The following CTTNBP2 variants were observed in gnomAD, a reference collection of about 807,000 sequenced individuals.
CTTNBP2 encodes the protein cortactin-binding protein 2.
CTTNBP2 carries 108 observed loss-of-function variants against 156.9 expected under a neutral mutation model. The observed-to-expected ratio is 0.69, with a 90% confidence interval of 0.59 to 0.81. The LOEUF is 0.81. Ranked by LOEUF, CTTNBP2 falls within the 30% of genes least tolerant of loss-of-function variation. The pLI is 0.00. For missense variants in CTTNBP2, 1,924 were observed against 2,035.4 expected, an observed-to-expected ratio of 0.95 and a Z score of 1.05; for synonymous variants, 767 against 751.8, an observed-to-expected ratio of 1.02 and a Z score of -0.33.
At chr7:117,871,358 A>AAAAGTAGTAAAT (rs1804585743) in intron 1 of CTTNBP2, among the ~76,000 whole-genome samples, 1 of 152,264 alleles carries the variant, frequency 6.6e-6, no homozygotes, top group Non-Finnish European at 1.5e-5. Flanking sequence ...AAAAGCCATC[A>AAAAGTAGTAAAT]TCAAAATTTT....
chr7:117,835,313 T>C lies in CTTNBP2; in HGVS notation c.190-24324A>G, dbSNP rs369540396. Among the ~76,000 whole-genome samples, 26 of 152,356 alleles carry C rather than the reference T, an allele frequency of 1.7e-4. No individual in the cohort carries two copies. The East Asian group carries it at 3.3e-3, about 19-fold the overall frequency. ...AGTTTAGACCAAAGCTGACATCTTA[T>C]ATGTTTTAAGTTCAGCCTAAAGGTT... On this transcript the variant is annotated intron_variant, in intron 2 of 22. Coordinates refer to ENST00000160373, the MANE Select transcript of CTTNBP2 (RefSeq NM_033427.3).
At chr7:117,831,789 T>G (rs1801626870) in intron 2 of CTTNBP2, among the ~76,000 whole-genome samples, 1 of 152,004 alleles carries the variant, frequency 6.6e-6, no homozygotes, top group Admixed American at 6.5e-5. Context: ...CAATCTTGCT[T>G]TCTTCTTCAT....
chr7:117,831,766 T>TC (rs778477397), intron 2 of CTTNBP2, among the ~76,000 whole-genome samples: 11 of 151,974 alleles, frequency 7.2e-5, no homozygotes, highest in Non-Finnish European at 1.5e-4. Flanking sequence ...ACCCTTATCC[T>TC]CCTCGTGACA....
chr7:117,869,734 G>A (rs1804447956), intron 1 of CTTNBP2, among the ~76,000 whole-genome samples: 1 of 151,598 alleles, frequency 6.6e-6, no homozygotes, highest in African/African-American at 2.4e-5. Context: ...TGACAGCAAC[G>A]ACAATAATAA....
intron 21 of CTTNBP2, among the ~76,000 whole-genome samples, chr7:117,719,262 C>T (rs924405465): frequency 6.6e-6 from 1 of 152,180 alleles, no homozygotes. Context: ...ATGCAATTAA[C>T]ATACAATTTT....
intron 9 of CTTNBP2, among the ~76,000 whole-genome samples, chr7:117,760,916 C>A (rs6967118): frequency 0.21 from 31,943 of 152,050 alleles, 3,747 homozygotes; most frequent in Non-Finnish European, 0.22. Flanking sequence ...AAGCACGCTG[C>A]ACGAACTGTC....
chr7:117,745,156 C>A (rs535290874), intron 14 of CTTNBP2, among the ~76,000 whole-genome samples: 1 of 152,118 alleles, frequency 6.6e-6, no homozygotes, highest in African/African-American at 2.4e-5. Context: ...AATCTAAGAT[C>A]GAAAACTCAT....
At chr7:117,730,124 A>G (rs916048324) in intron 16 of CTTNBP2, among the ~76,000 whole-genome samples, 1 of 152,116 alleles carries the variant, frequency 6.6e-6, no homozygotes, top group African/African-American at 2.4e-5. Context: ...GTTGTCCCTG[A>G]GTTTTCCACA....
At chr7:117,783,255 T>A (rs1417237676) in intron 5 of CTTNBP2, among the ~76,000 whole-genome samples, 1 of 152,076 alleles carries the variant, frequency 6.6e-6, no homozygotes, top group Non-Finnish European at 1.5e-5. Flanking sequence ...TAAAAAAAAA[T>A]GTCATGTGCC....
intron 14 of CTTNBP2, among the ~76,000 whole-genome samples, chr7:117,745,550 C>T (rs1017104173): frequency 6.6e-6 from 1 of 152,212 alleles, no homozygotes; most frequent in African/African-American, 2.4e-5. Context: ...GGGTGAACTG[C>T]TCCTACCACC....
chr7:117,718,032 G>A lies in CTTNBP2; in HGVS notation c.4732C>T (p.Pro1578Ser). ...LSATINNLRMPVSQKEVSPLS... is the reference protein window; with the variant it reads ...LSATINNLRMSVSQKEVSPLS... ...GGGACACTTACCTTTTGTGACACTG[G>A]CATTCTCAGATTATTAATAGTTGCT... Residue 1578 changes from proline (P) to serine (S), a missense_variant, in exon 22 of 23, where the codon CCA becomes TCA. Physicochemically the swap from Pro to Ser is moderately conservative, Grantham distance 74 (BLOSUM62 -1). Coordinates refer to ENST00000160373, the MANE Select transcript of CTTNBP2 (RefSeq NM_033427.3). 6.2e-7 allele frequency: 1 copy of A among 1,603,760 alleles called. No homozygotes were observed. Among genetic ancestry groups the A allele is most frequent in the Non-Finnish European group, 8.5e-7 (1 of 1,170,644 alleles).
At chr7:117,758,511 T>C (rs1797012326) in intron 10 of CTTNBP2, among the ~76,000 whole-genome samples, 1 of 152,160 alleles carries the variant, frequency 6.6e-6, no homozygotes, top group African/African-American at 2.4e-5. Context: ...TTCCACTTCA[T>C]AGGTATCTTC....
At chr7:117,868,071 G>A (rs1490996998) in intron 1 of CTTNBP2, among the ~76,000 whole-genome samples, 2 of 151,822 alleles carry the variant, frequency 1.3e-5, no homozygotes, top group East Asian at 1.9e-4. Flanking sequence ...TTCCTCCTTA[G>A]GGAAAAAAAG....
At chr7:117,866,120 A>G (rs1437270361) in intron 1 of CTTNBP2, among the ~76,000 whole-genome samples, 1 of 151,966 alleles carries the variant, frequency 6.6e-6, no homozygotes, top group African/African-American at 2.4e-5. Context: ...ATACAGGCTG[A>G]GAAAGAGAGA....
At chr7:117,764,006 G>T (rs909781550) in intron 9 of CTTNBP2, among the ~76,000 whole-genome samples, 3 of 151,932 alleles carry the variant, frequency 2.0e-5, no homozygotes, top group Admixed American at 6.6e-5. Context: ...CCCTCACCCT[G>T]TATATCATTC....
At chr7:117,861,171 T>C in intron 2 of CTTNBP2, 38 bp downstream of exon 2, 1 of 1,271,308 alleles carries the variant, frequency 7.9e-7, no homozygotes, top group Non-Finnish European at 1.1e-6. Context: ...AAAAAGCAAA[T>C]GATCCAGCAT....
intron 2 of CTTNBP2, among the ~76,000 whole-genome samples, chr7:117,858,454 T>C (rs1803484938): frequency 6.6e-6 from 1 of 152,240 alleles, no homozygotes; most frequent in African/African-American, 2.4e-5. Flanking sequence ...GAAAATGAAC[T>C]GGAAGCTCTT....
intron 8 of CTTNBP2, among the ~76,000 whole-genome samples, chr7:117,776,455 G>A (rs1798104688): frequency 6.6e-6 from 1 of 152,100 alleles, no homozygotes; most frequent in African/African-American, 2.4e-5. Context: ...GTCATTGAAG[G>A]CCCTGGGCCC....
chr7:117,826,432 C>T (rs1801285397), intron 2 of CTTNBP2, among the ~76,000 whole-genome samples: 1 of 152,034 alleles, frequency 6.6e-6, no homozygotes. Flanking sequence ...TAAAGCATCA[C>T]ATTTAGGAAA....
Sources: allele counts gnomAD v4.1 joint callset (sites outside exome capture counted in the v4.1 genomes callset), GRCh38; gene constraint gnomAD v4.1.1; transcripts MANE v1.5; gene names NCBI Gene and HGNC (gene_info 2026-07-23, HGNC 2026-07-21).